RIN3: variants seen among roughly 807,000 people sequenced by gnomAD.
RIN3 encodes Ras and Rab interactor 3.
A neutral mutation model predicts 76.3 loss-of-function variants in RIN3; 54 were observed. That is an observed-to-expected ratio of 0.71 (90% CI 0.57 to 0.89). The LOEUF (loss-of-function observed/expected upper bound fraction) is 0.89. Among genes scored for constraint, RIN3 ranks in the 40% least tolerant of loss-of-function variants. The pLI, the probability that RIN3 is intolerant of heterozygous loss-of-function variation, is 0.00. For missense variants in RIN3, 1,256 were observed against 1,322.1 expected, an observed-to-expected ratio of 0.95 and a Z score of 0.78; for synonymous variants, 576 against 564.0, an observed-to-expected ratio of 1.02 and a Z score of -0.30.
chr14:92,524,256 G>A (rs943396182), intron 1 of RIN3, among the ~76,000 whole-genome samples: 5 of 152,158 alleles, frequency 3.3e-5, no homozygotes, highest in South Asian at 2.1e-4. Flanking sequence ...CTGTGTTCTT[G>A]CCGGATGCTG....
intron 1 of RIN3, among the ~76,000 whole-genome samples, chr14:92,550,728 T>G (rs946570542): frequency 6.6e-6 from 1 of 151,854 alleles, no homozygotes; most frequent in Non-Finnish European, 1.5e-5. Context: ...CAGCTTATTA[T>G]GTTTTCACAG....
At chr14:92,646,196 G>A (rs749998456) in intron 5 of RIN3, among the ~76,000 whole-genome samples, 1 of 152,072 alleles carries the variant, frequency 6.6e-6, no homozygotes, top group Admixed American at 6.6e-5. Context: ...CTCTGCCTGC[G>A]CTATGCCCTG....
rs1888798095 is a variant in RIN3 at position 92,685,023 on chromosome 14, A to G, written c.2504A>G (p.Glu835Gly). Residue 835 changes from glutamate (E) to glycine (G), a missense_variant, in exon 9 of 10, where the codon GAG becomes GGG. Physicochemically the swap from Glu to Gly is moderately conservative, Grantham distance 98. Coordinates refer to ENST00000216487, the MANE Select transcript of RIN3 (RefSeq NM_024832.5). This position sits in a 1 kb window ranked among gnomAD's most constrained non-coding sequence, Gnocchi z 4.7. ...CTGACCACCACCTACGGGGCCCTGG[A>G]GCACATCAAGAGCTACGACAAGATC... ...YYLTTTYGAL[E>G]HIKSYDKITV... is the part of the protein sequence containing the mutation. 2.5e-6 allele frequency: 4 copies of G among 1,613,820 alleles called. No homozygotes were observed. In the Admixed American group the frequency reaches 6.7e-5, roughly 27 times the overall value.
At chr14:92,670,800 G>A (rs1388741807) in intron 7 of RIN3, among the ~76,000 whole-genome samples, 2 of 152,176 alleles carry the variant, frequency 1.3e-5, no homozygotes, top group Non-Finnish European at 2.9e-5. Context: ...CGTGGGAGCT[G>A]GCTGTGGGCA....
intron 4 of RIN3, among the ~76,000 whole-genome samples, chr14:92,622,912 T>A (rs1886234593): frequency 6.6e-6 from 1 of 152,262 alleles, no homozygotes; most frequent in Admixed American, 6.5e-5. Context: ...TAAACCTATC[T>A]AATATGATTC....
At chr14:92,539,143 A>C (rs951751772) in intron 1 of RIN3, among the ~76,000 whole-genome samples, 1 of 151,668 alleles carries the variant, frequency 6.6e-6, no homozygotes, top group African/African-American at 2.4e-5. Context: ...CTTCTCCAGT[A>C]ACTATCTCCA....
At chr14:92,573,380 C>T (rs1236968735) in intron 2 of RIN3, among the ~76,000 whole-genome samples, 2 of 152,196 alleles carry the variant, frequency 1.3e-5, no homozygotes, top group African/African-American at 2.4e-5. Flanking sequence ...CCCAGCACAT[C>T]AGTGTGTTCA....
intron 1 of RIN3, among the ~76,000 whole-genome samples, chr14:92,527,838 CT>C (rs1896783515): frequency 6.6e-6 from 1 of 152,196 alleles, no homozygotes; most frequent in African/African-American, 2.4e-5. Flanking sequence ...GTCCATTCCT[CT>C]TTGTCGCTGA....
intron 1 of RIN3, among the ~76,000 whole-genome samples, chr14:92,541,012 G>A (rs1421365520): frequency 6.6e-6 from 1 of 152,146 alleles, no homozygotes; most frequent in Non-Finnish European, 1.5e-5. Flanking sequence ...CAGTCAACTG[G>A]GGTTCACATG....
intron 3 of RIN3, among the ~76,000 whole-genome samples, chr14:92,600,396 G>T (rs1026336668): frequency 6.6e-6 from 1 of 152,096 alleles, no homozygotes; most frequent in Non-Finnish European, 1.5e-5. Context: ...GATGCCTAAG[G>T]GGGGTGGGAA....
intron 1 of RIN3, among the ~76,000 whole-genome samples, chr14:92,522,881 T>TG (rs1375716121): frequency 6.6e-6 from 1 of 152,206 alleles, no homozygotes; most frequent in African/African-American, 2.4e-5. Flanking sequence ...AACCCCTTAA[T>TG]GGGGGTGTCC....
intron 7 of RIN3, among the ~76,000 whole-genome samples, chr14:92,660,402 G>A (rs188847155): frequency 1.7e-4 from 26 of 152,262 alleles, no homozygotes; most frequent in African/African-American, 6.0e-4. Context: ...GCTGCTCTGG[G>A]ATGGCCTTGC....
intron 5 of RIN3, among the ~76,000 whole-genome samples, chr14:92,642,694 C>T (rs1173806005): frequency 2.0e-5 from 3 of 152,152 alleles, no homozygotes; most frequent in Non-Finnish European, 2.9e-5. Flanking sequence ...TCAAAGAAGA[C>T]ACCCCTTGGT....
intron 5 of RIN3, among the ~76,000 whole-genome samples, chr14:92,650,282 G>A (rs533814249): frequency 7.2e-5 from 11 of 152,274 alleles, no homozygotes; most frequent in East Asian, 3.9e-4. Flanking sequence ...AAATCCCAGC[G>A]TCTCACTCCC....
intron 3 of RIN3, among the ~76,000 whole-genome samples, chr14:92,581,633 C>T (rs1200098980): frequency 6.6e-6 from 1 of 152,164 alleles, no homozygotes; most frequent in Non-Finnish European, 1.5e-5. Flanking sequence ...TCCAGGGTCA[C>T]CACTCTGCTG....
intron 3 of RIN3, among the ~76,000 whole-genome samples, chr14:92,597,626 T>G (rs1444744992): frequency 6.6e-6 from 1 of 152,190 alleles, no homozygotes; most frequent in Non-Finnish European, 1.5e-5. Flanking sequence ...TGGGAGACCC[T>G]TGGAGTGGGG....
chr14:92,575,037 AGAG>A (rs1258391677), intron 2 of RIN3, among the ~76,000 whole-genome samples: 3 of 152,164 alleles, frequency 2.0e-5, no homozygotes, highest in Non-Finnish European at 4.4e-5. Flanking sequence ...CATAGGTTTA[AGAG>A]GAGAATTAAG....
chr14:92,616,819 G>A (rs980978988), intron 4 of RIN3, among the ~76,000 whole-genome samples: 3 of 152,164 alleles, frequency 2.0e-5, no homozygotes, highest in African/African-American at 7.2e-5. Flanking sequence ...AACTTCAGGG[G>A]GTGGATACCT....
intron 1 of RIN3, among the ~76,000 whole-genome samples, chr14:92,554,366 C>T (rs577807385): frequency 6.6e-5 from 10 of 152,170 alleles, no homozygotes; most frequent in African/African-American, 1.2e-4. Flanking sequence ...CATTTCCCAG[C>T]GAAGCCCTCA....
Sources: allele counts gnomAD v4.1 joint callset (sites outside exome capture counted in the v4.1 genomes callset), GRCh38; gene constraint gnomAD v4.1.1; non-coding constraint Gnocchi (gnomAD v3.1); transcripts MANE v1.5; gene names NCBI Gene and HGNC (gene_info 2026-07-23, HGNC 2026-07-21).